The following FXYD6 variants were observed in gnomAD, a reference collection of about 807,000 sequenced individuals.
FXYD6 encodes the protein FXYD domain containing ion transport regulator 6.
FXYD6 carries 7 observed loss-of-function variants against 16.7 expected under a neutral mutation model. The ratio of observed to expected loss-of-function variants is 0.42; its 90% CI spans 0.24 to 0.79. The LOEUF (loss-of-function observed/expected upper bound fraction) is 0.79. FXYD6 is among the 30% of genes least tolerant of loss of function. The probability of loss-of-function intolerance (pLI) is 0.28; values close to 1 mark genes in which losing one functional copy is unlikely to be tolerated. For missense variants in FXYD6, 111 were observed against 116.2 expected, an observed-to-expected ratio of 0.95 and a Z score of 0.21; for synonymous variants, 49 against 43.0, an observed-to-expected ratio of 1.14 and a Z score of -0.54.
intron 1 of FXYD6, among the ~76,000 whole-genome samples, chr11:117,844,997 T>C (rs1423784186): frequency 2.0e-5 from 3 of 152,222 alleles, no homozygotes; most frequent in African/African-American, 7.2e-5. Context: ...CAATTTAAAA[T>C]ATACAATTCA....
intron 7 of FXYD6, 106 bp downstream of exon 7, chr11:117,839,675 T>C (rs2134129681): frequency 1.5e-6 from 2 of 1,347,036 alleles, no homozygotes; most frequent in South Asian, 1.2e-5. Context: ...ATAAAAGCTG[T>C]GCCCACTGCA....
At chr11:117,854,300 C>A (rs184554328) in intron 1 of FXYD6, among the ~76,000 whole-genome samples, 19 of 152,280 alleles carry the variant, frequency 1.2e-4, no homozygotes, top group African/African-American at 4.6e-4. Flanking sequence ...CAGCTCTAGC[C>A]GGAAGAGGGA....
At chr11:117,875,959 G>A (rs1591603212) in intron 1 of FXYD6, among the ~76,000 whole-genome samples, 1 of 152,190 alleles carries the variant, frequency 6.6e-6, no homozygotes. Context: ...GGGGGCAATG[G>A]CGGACCCCAG....
intron 1 of FXYD6, among the ~76,000 whole-genome samples, chr11:117,868,738 G>C (rs1285487401): frequency 1.3e-5 from 2 of 152,222 alleles, no homozygotes; most frequent in African/African-American, 4.8e-5. Flanking sequence ...AGCAGAAACT[G>C]CATGCCAGGG....
intron 5 of FXYD6, 76 bp from the exon 6 acceptor site, chr11:117,840,444 T>G: frequency 6.3e-7 from 1 of 1,593,178 alleles, no homozygotes; most frequent in Non-Finnish European, 8.6e-7. Flanking sequence ...TGCTCCTCAC[T>G]GGGGCACAGC....
chr11:117,874,320 GCGCCT>G (rs2057205930), intron 1 of FXYD6, among the ~76,000 whole-genome samples: 2 of 152,164 alleles, frequency 1.3e-5, no homozygotes, highest in South Asian at 2.1e-4. Context: ...CTTCCCCCAG[GCGCCT>G]ACCGTCTGTC....
chr11:117,873,061 G>A (rs184871763), intron 1 of FXYD6, among the ~76,000 whole-genome samples: 5 of 152,286 alleles, frequency 3.3e-5, no homozygotes, highest in Middle Eastern at 3.4e-3. Context: ...CCTCCAGTGT[G>A]CAGCCTGGTA....
At chr11:117,861,815 G>C (rs574365497) in intron 1 of FXYD6, among the ~76,000 whole-genome samples, 9 of 152,336 alleles carry the variant, frequency 5.9e-5, no homozygotes, top group Admixed American at 4.6e-4. Context: ...GAGGGTCCTC[G>C]TGAGGTCACA....
intron 1 of FXYD6, among the ~76,000 whole-genome samples, chr11:117,845,368 T>A (rs1326067435): frequency 6.6e-6 from 1 of 152,268 alleles, no homozygotes; most frequent in African/African-American, 2.4e-5. Flanking sequence ...GTATGGATAT[T>A]CACCTTGCTC....
intron 1 of FXYD6, among the ~76,000 whole-genome samples, chr11:117,874,164 C>T (rs1329825468): frequency 6.6e-6 from 1 of 152,202 alleles, no homozygotes; most frequent in East Asian, 1.9e-4. Flanking sequence ...ACCTAGGATT[C>T]CGATGTCAGG....
intron 1 of FXYD6, among the ~76,000 whole-genome samples, chr11:117,853,267 T>G (rs2056647943): frequency 5.9e-5 from 9 of 152,234 alleles, no homozygotes; most frequent in Admixed American, 5.9e-4. Flanking sequence ...AGAGAGCATT[T>G]GCTTTGCTTT....
At chr11:117,859,590 T>C (rs1053757760) in intron 1 of FXYD6, among the ~76,000 whole-genome samples, 1 of 152,178 alleles carries the variant, frequency 6.6e-6, no homozygotes, top group African/African-American at 2.4e-5. Context: ...TCCTTAAACA[T>C]AACCCGATGC....
At chr11:117,847,333 T>C (rs911942329) in intron 1 of FXYD6, among the ~76,000 whole-genome samples, 1 of 151,408 alleles carries the variant, frequency 6.6e-6, no homozygotes, top group Non-Finnish European at 1.5e-5. Flanking sequence ...TCACGCTGTT[T>C]ATTTCTATTT....
At chr11:117,844,481 T>A (rs894861564) in intron 1 of FXYD6, among the ~76,000 whole-genome samples, 1 of 152,092 alleles carries the variant, frequency 6.6e-6, no homozygotes, top group Admixed American at 6.5e-5. Context: ...AAAATATATA[T>A]TTTTATTTTT....
chr11:117,866,735 A>T (rs1411960292), intron 1 of FXYD6, among the ~76,000 whole-genome samples: 1 of 152,190 alleles, frequency 6.6e-6, no homozygotes, highest in Non-Finnish European at 1.5e-5. Flanking sequence ...TGCCTAGCAG[A>T]ATACCAGTGC....
intron 1 of FXYD6, among the ~76,000 whole-genome samples, chr11:117,867,080 C>T (rs1285029232): frequency 3.9e-5 from 6 of 152,318 alleles, no homozygotes; most frequent in South Asian, 2.1e-4. Flanking sequence ...AGATTGCTTT[C>T]CACAGCAGAG....
At chr11:117,862,386 C>G (rs915475118) in intron 1 of FXYD6, among the ~76,000 whole-genome samples, 1 of 152,202 alleles carries the variant, frequency 6.6e-6, no homozygotes, top group Admixed American at 6.5e-5. Context: ...CCCACTCACA[C>G]AGATGCACCT....
chr11:117,846,183 C>G (rs2056461805), intron 1 of FXYD6, among the ~76,000 whole-genome samples: 1 of 152,158 alleles, frequency 6.6e-6, no homozygotes, highest in South Asian at 2.1e-4. Context: ...TGTAATAGAG[C>G]TGGACTTTTT....
intron 7 of FXYD6, 46 bp downstream of exon 7, chr11:117,839,734 CA>C (rs773441123): frequency 1.2e-6 from 2 of 1,611,440 alleles, no homozygotes; most frequent in South Asian, 1.1e-5. Context: ...GGCCCTGATG[CA>C]GACGGTGATG....
Sources: gnomAD v4.1 joint callset for allele counts (sites outside exome capture counted in the v4.1 genomes callset) on GRCh38, gnomAD v4.1.1 for gene constraint, MANE v1.5 for transcripts, NCBI Gene and HGNC (gene_info 2026-07-23, HGNC 2026-07-21) for gene names.